The following HSD3B7 variants were observed in gnomAD, a reference collection of about 807,000 sequenced individuals.
HSD3B7 encodes the protein 3 beta-hydroxysteroid dehydrogenase type 7.
In HSD3B7, 35 loss-of-function variants were observed where a neutral mutation model predicts 34.3. That is an observed-to-expected ratio of 1.02 (90% CI 0.78 to 1.35). HSD3B7 has a LOEUF of 1.35. HSD3B7 is among the 40% of genes most tolerant of loss of function. HSD3B7 has a pLI of 0.00. For missense variants in HSD3B7, 426 were observed against 504.7 expected, an observed-to-expected ratio of 0.84 and a Z score of 1.49; for synonymous variants, 217 against 220.1, an observed-to-expected ratio of 0.99 and a Z score of 0.13.
At chr16:30,985,343 C>A (rs534362889) in intron 1 of HSD3B7, 46 bp downstream of exon 1, 3 of 1,264,982 alleles carry the variant, frequency 2.4e-6, no homozygotes, top group South Asian at 1.6e-5. Flanking sequence ...TCCCTCCATC[C>A]GGCCCTTCCC....
chr16:30,986,203 G>T lies in HSD3B7; in HGVS notation c.321G>T (p.Gln107His). 2.5e-6 allele frequency: 4 copies of T among 1,613,860 alleles called. No individual in the cohort carries two copies. The highest frequency in any genetic ancestry group is 1.1e-5 in the South Asian group (1 of 91,002). Reference protein sequence around the residue: ...SPKTIHEVNVQGTRNVIEACV... With the variant: ...SPKTIHEVNVHGTRNVIEACV... ...AGACCATCCATGAGGTCAACGTGCA[G>T]GGTGAGGAGCTCTGGACACTCCTGG... Residue 107 changes from glutamine to histidine, a missense_variant and splice_region_variant, in exon 3 of 7, where the codon CAG (glutamine) becomes CAT (histidine). Physicochemically the swap from Gln to His is conservative, Grantham distance 24. Coordinates refer to ENST00000297679, the MANE Select transcript of HSD3B7 (RefSeq NM_025193.4).
At position 30,986,903 on chromosome 16, in the gene HSD3B7, C is replaced by T. The variant is rs756403982; in HGVS notation, c.595C>T (p.His199Tyr). Residue 199 changes from histidine (H) to tyrosine (Y), a missense_variant, in exon 6 of 7, where the codon CAC (histidine) becomes TAC (tyrosine). His to Tyr is a moderately conservative substitution (Grantham distance 83, BLOSUM62 2). Transcript: ENST00000297679. ...TCCCACGGGCATCTACGGTGAAGGC[C>T]ACCAGATCATGAGGGACTTCTACCG... is the stretch of plus-strand genomic sequence containing the variant. ...LRPTGIYGEG[H>Y]QIMRDFYRQG... The T allele has an allele frequency of 1.9e-6, 3 of 1,613,902 alleles. No individual in the cohort carries two copies. The highest frequency in any genetic ancestry group is 2.2e-5 in the South Asian group (2 of 91,090).
chr16:30,987,754 T>C lies in HSD3B7; in HGVS notation c.695-14T>C. 6.2e-7 allele frequency: 1 copy of C among 1,609,906 alleles called. No individual in the cohort carries two copies. Among genetic ancestry groups the C allele is most frequent in the Middle Eastern group, 1.7e-4 (1 of 6,050 alleles). On this transcript the variant is annotated splice_polypyrimidine_tract_variant and intron_variant, in intron 6 of 6. Coordinates refer to ENST00000297679, the MANE Select transcript of HSD3B7 (RefSeq NM_025193.4). The stretch of plus-strand genomic sequence containing the variant: ...CACTCAGGGGTGTGTCCGCCTCTCT[T>C]CCGCCACCGGCAGGCAATGTTGCCT...
chr16:30,986,113 G>T lies in HSD3B7; in HGVS notation c.231G>T (p.Val77=), dbSNP rs748409975. Reference sequence around the variant, plus strand: ...AGGCCCATGAGGTGGCAGCAGCTGTGGCCGGAGCCCATGTGGTCATCCACA... The same window carrying T: ...AGGCCCATGAGGTGGCAGCAGCTGTTGCCGGAGCCCATGTGGTCATCCACA... ...VTQAHEVAAA[V]AGAHVVIHTA... Residue 77 remains valine, a synonymous_variant, in exon 3 of 7, where the codon GTG becomes GTT. Transcript: ENST00000297679. 9.3e-6 allele frequency: 15 copies of T among 1,613,878 alleles called. No homozygotes were observed. The highest frequency in any genetic ancestry group is 2.7e-5 in the African/African-American group (2 of 74,952).
chr16:30,986,104 A>G lies in HSD3B7; in HGVS notation c.222A>G (p.Ala74=), dbSNP rs2056470705. 2 of 1,613,958 alleles carry G rather than the reference A, an allele frequency of 1.2e-6. No homozygotes were observed. Among genetic ancestry groups the G allele is most frequent in the African/African-American group, 1.3e-5 (1 of 75,068 alleles). ...QGDVTQAHEV[A]AAVAGAHVVI... is the part of the protein sequence containing the mutation. ...ACGTGACCCAGGCCCATGAGGTGGC[A>G]GCAGCTGTGGCCGGAGCCCATGTGG... The change falls in exon 3 of 7, where the codon GCA becomes GCG. Residue 74 remains alanine, a synonymous_variant. Coordinates refer to ENST00000297679, the MANE Select transcript of HSD3B7 (RefSeq NM_025193.4).
Position 30,986,695 on chromosome 16 carries a change from C to CGGGA in HSD3B7, c.525_528dup (p.Lys177GlufsTer22). 1.2e-6 allele frequency: 2 copies of CGGGA among 1,613,966 alleles called. No homozygotes were observed. Among genetic ancestry groups the CGGGA allele is most frequent in the Non-Finnish European group, 1.7e-6 (2 of 1,179,958 alleles). ...CCGAGTGGCTGGTCCTGGAGGCCAA[C>CGGGA]GGGAGGAAGGTGAGCCCAGAAAAAG... On this transcript the variant is annotated frameshift_variant, in exon 5 of 7. Coordinates refer to ENST00000297679, the MANE Select transcript of HSD3B7 (RefSeq NM_025193.4). LOFTEE classifies it high-confidence loss of function.
At chr16:30,985,961 G>C (rs149180275) in intron 2 of HSD3B7, 88 bp from the exon 3 acceptor site, 1 of 1,570,312 alleles carries the variant, frequency 6.4e-7, no homozygotes. Flanking sequence ...AGTCACATTG[G>C]GAACGTGACT....
At position 30,988,168 on chromosome 16, in the gene HSD3B7, G is replaced by T; in HGVS notation, c.1095G>T (p.Thr365=). 13 of 1,601,318 alleles carry T rather than the reference G, an allele frequency of 8.1e-6. No individual in the cohort carries two copies. Among genetic ancestry groups the T allele is most frequent in the Non-Finnish European group, 1.1e-5 (13 of 1,177,708 alleles). The change falls in exon 7 of 7, where the codon ACG becomes ACT. Residue 365 remains threonine, a synonymous_variant. Transcript: ENST00000297679. The stretch of plus-strand genomic sequence containing the variant: ...CCATTCTCTGGGTACAGGCCGCTAC[G>T]GGTTCAGCCCAGTGACGGTGGGGCT... ...TRTILWVQAA[T]GSAQ
chr16:30,986,622 C>G lies in HSD3B7; in HGVS notation c.449C>G (p.Pro150Arg). Residue 150 changes from proline (P) to arginine (R), a missense_variant, in exon 5 of 7, where the codon CCA becomes CGA. Coordinates refer to ENST00000297679, the MANE Select transcript of HSD3B7 (RefSeq NM_025193.4). Reference sequence around the variant, plus strand: ...CCCACCAGGGGCAACGAAGACACCCCATACGAAGCAGTGCACAGGCACCCC... The same window carrying G: ...CCCACCAGGGGCAACGAAGACACCCGATACGAAGCAGTGCACAGGCACCCC... ...HPFYRGNEDT[P>R]YEAVHRHPYP... The G allele has an allele frequency of 1.9e-6, 3 of 1,614,208 alleles. No individual in the cohort carries two copies. The highest frequency in any genetic ancestry group is 3.3e-5 in the Admixed American group (2 of 60,024).
In HSD3B7 at chr16:30,988,596, G is replaced by A. The variant is rs1448628056; in HGVS notation, c.*413G>A. On this transcript the variant is annotated 3_prime_UTR_variant, in exon 7 of 7. Coordinates refer to ENST00000297679, the MANE Select transcript of HSD3B7 (RefSeq NM_025193.4). Reference sequence around the variant, plus strand: ...TCTTCCCACGTGGGCCTCCCAAAACGCTGGAACTACAAGTGTGAGCCACCG... The same window carrying A: ...TCTTCCCACGTGGGCCTCCCAAAACACTGGAACTACAAGTGTGAGCCACCG... 2 of 179,436 alleles carry A rather than the reference G, an allele frequency of 1.1e-5. No homozygotes were observed. Among genetic ancestry groups the A allele is most frequent in the East Asian group, 1.4e-4 (1 of 7,004 alleles). 11.1% of individuals were successfully genotyped at this position (179,436 alleles called of 1,614,324 possible). A position where few individuals can be genotyped will look rare whatever the true frequency, so the allele number is the denominator to read the frequency against.
chr16:30,987,895 G>A lies in HSD3B7; in HGVS notation c.822G>A (p.Glu274=). The part of the protein sequence containing the change: ...PYRSYEDFNM[E]FLGPCGLRLV... ...GGAGCTACGAGGATTTCAACATGGA[G>A]TTCCTGGGCCCCTGCGGACTGCGGC... The change falls in exon 7 of 7, where the codon GAG becomes GAA. Residue 274 remains glutamate (E), a synonymous_variant. Transcript: ENST00000297679. The A allele has an allele frequency of 6.2e-7, 1 of 1,613,966 alleles. No homozygotes were observed. Among genetic ancestry groups the A allele is most frequent in the Non-Finnish European group, 8.5e-7 (1 of 1,180,008 alleles).
chr16:30,985,571 C>T (rs758866966), intron 1 of HSD3B7, 82 bp from the exon 2 acceptor site: 41 of 1,537,094 alleles, frequency 2.7e-5, no homozygotes, highest in African/African-American at 5.4e-5. Flanking sequence ...GCCTCGTCAC[C>T]GCTCCAGGGC....
At position 30,985,230 on chromosome 16, in the gene HSD3B7, G is replaced by A. The variant is rs1260123182; in HGVS notation, c.-74G>A. Reference sequence around the variant, plus strand: ...CCAGCGGAAGGACGGTGTGCGGGCCGGCCAGCCCTGGACGAAAGAAGAGGG... The same window carrying A: ...CCAGCGGAAGGACGGTGTGCGGGCCAGCCAGCCCTGGACGAAAGAAGAGGG... On this transcript the variant is annotated 5_prime_UTR_variant, in exon 1 of 7. Transcript: ENST00000297679. The A allele has an allele frequency of 1.7e-5, 19 of 1,098,760 alleles. No individual in the cohort carries two copies. The highest frequency in any genetic ancestry group is 4.3e-4 in the Middle Eastern group (1 of 2,310). 68.1% of individuals were successfully genotyped at this position (1,098,760 alleles called of 1,614,324 possible).
Position 30,988,003 on chromosome 16 carries a change from G to T in HSD3B7, c.930G>T (p.Arg310=), listed in dbSNP as rs1388171283. The change falls in exon 7 of 7, where the codon CGG becomes CGT. Residue 310 remains arginine (R), a synonymous_variant. Coordinates refer to ENST00000297679, the MANE Select transcript of HSD3B7 (RefSeq NM_025193.4). ...ATGCCCTGCTGCAGTGGCTGCTGCG[G>T]CCACTGGTGCTCTACGCACCCCTGC... ...ALNALLQWLL[R]PLVLYAPLLN... is the part of the protein sequence containing the mutation. 1.9e-6 allele frequency: 3 copies of T among 1,609,176 alleles called. No individual in the cohort carries two copies. The highest frequency in any genetic ancestry group is 2.5e-6 in the Non-Finnish European group (3 of 1,179,998).
chr16:30,985,533 A>G, intron 1 of HSD3B7, 120 bp from the exon 2 acceptor site: 1 of 1,527,026 alleles, frequency 6.5e-7, no homozygotes, highest in Non-Finnish European at 8.8e-7. Context: ...AGCTCCCAGG[A>G]TCAGCTCTGC....
At chr16:30,985,363 T>C (rs2056451910) in intron 1 of HSD3B7, 66 bp downstream of exon 1, 1 of 1,310,094 alleles carries the variant, frequency 7.6e-7, no homozygotes, top group African/African-American at 1.5e-5. Flanking sequence ...CACCTTCCTA[T>C]AACCTTCCCT....
rs1291800939 is a variant in HSD3B7, at chr16:30,986,220, C to T, written c.322+16C>T. Reference sequence around the variant, plus strand: ...AACGTGCAGGGTGAGGAGCTCTGGACACTCCTGGCCATCTTGCCTGTTTGT... The same window carrying T: ...AACGTGCAGGGTGAGGAGCTCTGGATACTCCTGGCCATCTTGCCTGTTTGT... On this transcript the variant is annotated intron_variant, in intron 3 of 6. Coordinates refer to ENST00000297679, the MANE Select transcript of HSD3B7 (RefSeq NM_025193.4). 1.9e-6 allele frequency: 3 copies of T among 1,612,214 alleles called. No homozygotes were observed. Among genetic ancestry groups the T allele is most frequent in the African/African-American group, 2.7e-5 (2 of 74,932 alleles).
Position 30,985,735 on chromosome 16 carries a change from T to C in HSD3B7, c.77T>C (p.Val26Ala), listed in dbSNP as rs956288840. 2 of 1,608,078 alleles carry C rather than the reference T, an allele frequency of 1.2e-6. No homozygotes were observed. Among genetic ancestry groups the C allele is most frequent in the African/African-American group, 2.7e-5 (2 of 74,846 alleles). ...GGCGFLGEHV[V>A]RMLLQREPRL... is the part of the protein sequence containing the mutation. ...TGTGGCTTCCTGGGAGAGCACGTGG[T>C]GCGAATGCTGCTGCAGCGGGAGCCC... is the stretch of plus-strand genomic sequence containing the variant. The change falls in exon 2 of 7, where the codon GTG (valine) becomes GCG (alanine). Residue 26 changes from valine to alanine, a missense_variant. By Grantham distance (64) the Val-to-Ala change is moderately conservative (BLOSUM62 0). Coordinates refer to ENST00000297679, the MANE Select transcript of HSD3B7 (RefSeq NM_025193.4).
chr16:30,985,518 G>A, intron 1 of HSD3B7, 135 bp from the exon 2 acceptor site: 1 of 1,517,976 alleles, frequency 6.6e-7, no homozygotes. Flanking sequence ...TGGCCTGGTT[G>A]CTGCAGCTCC....
Sources: allele counts gnomAD v4.1 joint callset, GRCh38; gene constraint gnomAD v4.1.1; transcripts MANE v1.5; gene names NCBI Gene and HGNC (gene_info 2026-07-23, HGNC 2026-07-21).